Variants in MAML2 observed in about 807,000 individuals in gnomAD.
MAML2 encodes the protein mastermind like transcriptional coactivator 2, also known as mastermind-like protein 2.
Under a neutral mutation model 96.1 loss-of-function variants are expected in MAML2, and 22 were observed. The observed-to-expected ratio is 0.23, with a 90% CI of 0.16 to 0.33. The LOEUF is 0.33. Ranked by LOEUF, MAML2 falls within the 10% of genes least tolerant of loss-of-function variation. The probability of loss-of-function intolerance (pLI) is 1.00; values close to 1 mark genes in which losing one functional copy is unlikely to be tolerated. For missense variants in MAML2, 1,367 were observed against 1,392.4 expected, an observed-to-expected ratio of 0.98 and a Z score of 0.29; for synonymous variants, 561 against 521.3, an observed-to-expected ratio of 1.08 and a Z score of -1.04.
Position 95,978,422 on chromosome 11 carries a change from T to C in MAML2, c.*526A>G, listed in dbSNP as rs112723753. 796 of 196,654 alleles carry C rather than the reference T, an allele frequency of 4.0e-3. 8 individuals carry two copies. Among genetic ancestry groups the C allele is most frequent in the African/African-American group, 0.017 (721 of 43,476 alleles). 12.2% of individuals were successfully genotyped at this position (196,654 alleles called of 1,614,324 possible). The stretch of plus-strand genomic sequence containing the variant: ...CTAGGTTCTCTGGCTTTTTCTTAAT[T>C]TGCATACTGTTTGGTTACTCCAAAC... On this transcript the variant is annotated 3_prime_UTR_variant, in exon 5 of 5. Coordinates refer to ENST00000524717, the MANE Select transcript of MAML2 (RefSeq NM_032427.4).
At chr11:96,053,947 A>G (rs1384395042) in intron 2 of MAML2, among the ~76,000 whole-genome samples, 3 of 152,126 alleles carry the variant, frequency 2.0e-5, no homozygotes, top group Non-Finnish European at 2.9e-5. Flanking sequence ...GGAGCTGACA[A>G]CTTGGGTGCC....
At chr11:96,195,383 G>A (rs1861714688) in intron 1 of MAML2, among the ~76,000 whole-genome samples, 1 of 152,218 alleles carries the variant, frequency 6.6e-6, no homozygotes, top group South Asian at 2.1e-4. Context: ...AAGGGGATAA[G>A]TGGCTGAAGG....
chr11:96,002,379 A>G (rs1037519720), intron 2 of MAML2, among the ~76,000 whole-genome samples: 4 of 152,218 alleles, frequency 2.6e-5, no homozygotes, highest in African/African-American at 4.8e-5. Context: ...TGGGGGAGAA[A>G]GGCAAAGGTT....
chr11:96,289,535 G>T (rs927083076), intron 1 of MAML2, among the ~76,000 whole-genome samples: 3 of 152,106 alleles, frequency 2.0e-5, no homozygotes, highest in Non-Finnish European at 2.9e-5. Context: ...TTCCTAACTT[G>T]ATTCTGTGAG....
chr11:96,051,648 T>C (rs1858992612), intron 2 of MAML2, among the ~76,000 whole-genome samples: 2 of 152,078 alleles, frequency 1.3e-5, no homozygotes, highest in Non-Finnish European at 1.5e-5. Context: ...CATTCAACAG[T>C]TTTCTATGCA....
Position 96,319,133 on chromosome 11 carries a change from A to G in MAML2, c.513+22250T>C, listed in dbSNP as rs115038251. Among the ~76,000 whole-genome samples the G allele has an allele frequency of 9.8e-3, 1,493 of 152,316 alleles. 29 individuals are homozygous for G. Among genetic ancestry groups the G allele is most frequent in the African/African-American group, 0.034 (1,423 of 41,552 alleles). On this transcript the variant is annotated intron_variant, in intron 1 of 4. Coordinates refer to ENST00000524717, the MANE Select transcript of MAML2 (RefSeq NM_032427.4). ...GCTAACTGCTTGAGAACACTCATGC[A>G]GCCTATACGGAGGCCATCACAGCAA...
chr11:96,157,976 A>G (rs1243875026), intron 1 of MAML2, among the ~76,000 whole-genome samples: 1 of 152,154 alleles, frequency 6.6e-6, no homozygotes, highest in Non-Finnish European at 1.5e-5. Flanking sequence ...TAATTCTTAT[A>G]TCCCTTTCCA....
intron 1 of MAML2, among the ~76,000 whole-genome samples, chr11:96,226,330 G>T (rs1862209076): frequency 6.6e-6 from 1 of 152,228 alleles, no homozygotes; most frequent in African/African-American, 2.4e-5. Flanking sequence ...ACTAAAGACA[G>T]TGGTCTCAGG....
intron 1 of MAML2, among the ~76,000 whole-genome samples, chr11:96,233,048 C>T (rs1435791509): frequency 1.6e-4 from 24 of 152,174 alleles, no homozygotes; most frequent in Admixed American, 1.6e-3. Context: ...TAATTATTTG[C>T]TCTTAAGACC....
chr11:96,172,834 T>C (rs1448075009), intron 1 of MAML2, among the ~76,000 whole-genome samples: 1 of 152,228 alleles, frequency 6.6e-6, no homozygotes, highest in African/African-American at 2.4e-5. Flanking sequence ...CCAACAAGAA[T>C]TTAACACCAG....
chr11:96,059,554 T>C (rs182410205), intron 2 of MAML2, among the ~76,000 whole-genome samples: 1 of 152,142 alleles, frequency 6.6e-6, no homozygotes, highest in African/African-American at 2.4e-5. Context: ...AAGTTGAGTA[T>C]CCCTTATCTG....
At chr11:96,224,101 T>G (rs1341515215) in intron 1 of MAML2, among the ~76,000 whole-genome samples, 2 of 152,184 alleles carry the variant, frequency 1.3e-5, no homozygotes. Context: ...TTTCAACTAT[T>G]TAAGCCTCAG....
In MAML2 at chr11:96,341,529, C is replaced by A; in HGVS notation, c.367G>T (p.Ala123Ser). The change falls in exon 1 of 5, where the codon GCC becomes TCC. Residue 123 changes from alanine to serine, a missense_variant. Ala to Ser is a moderately conservative substitution (Grantham distance 99). Transcript: ENST00000524717. ...PAASQAAATA[A>S]PPPPPDYHHH... Reference sequence around the variant, plus strand: ...TGATAGTCTGGTGGGGGCGGTGGGGCTGCTGTTGCTGCTGCTTGGGAGGCC... The same window carrying A: ...TGATAGTCTGGTGGGGGCGGTGGGGATGCTGTTGCTGCTGCTTGGGAGGCC... 6.5e-7 allele frequency: 1 copy of A among 1,550,282 alleles called. No individual in the cohort carries two copies. Among genetic ancestry groups the A allele is most frequent in the Non-Finnish European group, 8.7e-7 (1 of 1,146,666 alleles).
intron 1 of MAML2, among the ~76,000 whole-genome samples, chr11:96,326,668 T>C (rs1473912899): frequency 2.0e-5 from 3 of 151,720 alleles, no homozygotes; most frequent in Non-Finnish European, 4.4e-5. Context: ...TATGGTGTGA[T>C]GGGCCCCTGT....
At chr11:96,218,776 A>T (rs1862087278) in intron 1 of MAML2, among the ~76,000 whole-genome samples, 1 of 152,238 alleles carries the variant, frequency 6.6e-6, no homozygotes, top group Non-Finnish European at 1.5e-5. Context: ...GTCAAATTTG[A>T]ATTTCAGATA....
chr11:95,982,130 C>T (rs1056812165), intron 4 of MAML2, among the ~76,000 whole-genome samples: 2 of 152,106 alleles, frequency 1.3e-5, no homozygotes, highest in African/African-American at 2.4e-5. Context: ...CGTTTTGTTG[C>T]TTATTTCATC....
At chr11:96,210,722 G>A (rs1321865740) in intron 1 of MAML2, among the ~76,000 whole-genome samples, 1 of 152,146 alleles carries the variant, frequency 6.6e-6, no homozygotes, top group Non-Finnish European at 1.5e-5. Context: ...AGAGCATAGA[G>A]TAAGTGCCCA....
intron 1 of MAML2, among the ~76,000 whole-genome samples, chr11:96,324,370 G>A (rs1217735678): frequency 6.6e-6 from 1 of 152,100 alleles, no homozygotes; most frequent in African/African-American, 2.4e-5. Flanking sequence ...CATGATAAAC[G>A]CTTAATACAT....
At chr11:96,266,911 G>T (rs1236896431) in intron 1 of MAML2, among the ~76,000 whole-genome samples, 2 of 152,148 alleles carry the variant, frequency 1.3e-5, no homozygotes, top group African/African-American at 4.8e-5. Context: ...AATACGTGAG[G>T]CTTAATAAAA....
Sources: allele counts gnomAD v4.1 joint callset (sites outside exome capture counted in the v4.1 genomes callset), GRCh38; gene constraint gnomAD v4.1.1; transcripts MANE v1.5; gene names NCBI Gene and HGNC (gene_info 2026-07-23, HGNC 2026-07-21).